A1CF: variants seen among roughly 807,000 people sequenced by gnomAD.
The protein encoded by A1CF is APOBEC-1 stimulating protein.
In A1CF, 48 loss-of-function variants were observed where a neutral mutation model predicts 68.9. That is an observed-to-expected ratio of 0.70 (90% CI 0.55 to 0.89). The LOEUF (loss-of-function observed/expected upper bound fraction) is 0.89. Among genes scored for constraint, A1CF ranks in the 40% least tolerant of loss-of-function variants. The probability of loss-of-function intolerance (pLI) is 0.00; values close to 1 mark genes in which losing one functional copy is unlikely to be tolerated. For missense variants in A1CF, 653 were observed against 718.9 expected (o/e 0.91, Z 1.05); for synonymous variants, 272 against 260.4 (o/e 1.04, Z -0.43).
At chr10:50,879,871 G>A (rs1841692319) in intron 1 of A1CF, among the ~76,000 whole-genome samples, 2 of 152,102 alleles carry the variant, frequency 1.3e-5, no homozygotes, top group African/African-American at 4.8e-5. Context: ...CACAAAATGG[G>A]TCTCCTTTAA....
intron 3 of A1CF, among the ~76,000 whole-genome samples, chr10:50,848,953 G>A (rs1053984391): frequency 3.9e-5 from 6 of 152,142 alleles, no homozygotes; most frequent in African/African-American, 1.4e-4. Flanking sequence ...CATCACTCTT[G>A]ACTGTGTCAC....
At chr10:50,829,260 TA>T (rs1333334862) in intron 6 of A1CF, among the ~76,000 whole-genome samples, 2 of 152,116 alleles carry the variant, frequency 1.3e-5, no homozygotes, top group African/African-American at 4.8e-5. Context: ...ACTCTGCTCC[TA>T]TACCCCTACG....
At chr10:50,832,299 G>C (rs889479457) in intron 6 of A1CF, among the ~76,000 whole-genome samples, 1 of 152,166 alleles carries the variant, frequency 6.6e-6, no homozygotes, top group African/African-American at 2.4e-5. Flanking sequence ...ACAAATCAGG[G>C]CTTTTGTTTT....
At chr10:50,829,657 A>G (rs899077036) in intron 6 of A1CF, among the ~76,000 whole-genome samples, 1 of 152,120 alleles carries the variant, frequency 6.6e-6, no homozygotes, top group Non-Finnish European at 1.5e-5. Flanking sequence ...TTCAGGGGAT[A>G]GTTTTCTTCA....
chr10:50,851,209 A>G (rs1034616893), intron 3 of A1CF, among the ~76,000 whole-genome samples: 2 of 152,190 alleles, frequency 1.3e-5, no homozygotes, highest in African/African-American at 4.8e-5. Flanking sequence ...TTCTGACTTT[A>G]ATTATTTCAT....
At chr10:50,853,251 T>G (rs1840330741) in intron 3 of A1CF, among the ~76,000 whole-genome samples, 1 of 152,186 alleles carries the variant, frequency 6.6e-6, no homozygotes, top group South Asian at 2.1e-4. Flanking sequence ...CATTAATGTC[T>G]TCACTACCCA....
intron 3 of A1CF, among the ~76,000 whole-genome samples, chr10:50,857,997 T>A (rs1840568385): frequency 6.6e-6 from 1 of 152,162 alleles, no homozygotes; most frequent in Non-Finnish European, 1.5e-5. Flanking sequence ...CAGTAAAAAC[T>A]TTCCTTTACC....
chr10:50,814,621 T>G (rs1490162914), intron 9 of A1CF, among the ~76,000 whole-genome samples: 6 of 152,228 alleles, frequency 3.9e-5, no homozygotes. Context: ...TTGAGTTTCA[T>G]GCATAGATTC....
chr10:50,877,606 G>C (rs1841570932), intron 1 of A1CF, among the ~76,000 whole-genome samples: 1 of 152,176 alleles, frequency 6.6e-6, no homozygotes, highest in Non-Finnish European at 1.5e-5. Flanking sequence ...TATTATATTT[G>C]TTCTGATTTT....
chr10:50,855,107 C>T (rs1589025170), intron 3 of A1CF, among the ~76,000 whole-genome samples: 4 of 151,802 alleles, frequency 2.6e-5, no homozygotes, highest in African/African-American at 9.7e-5. Flanking sequence ...TGAATATGCT[C>T]ACATATGAGA....
At chr10:50,834,958 T>G (rs950285616) in intron 6 of A1CF, among the ~76,000 whole-genome samples, 2 of 152,170 alleles carry the variant, frequency 1.3e-5, no homozygotes, top group African/African-American at 2.4e-5. Context: ...TAGCAAAATA[T>G]TACGTCCAGG....
At chr10:50,839,622 C>G (rs1399915758) in intron 5 of A1CF, among the ~76,000 whole-genome samples, 1 of 152,208 alleles carries the variant, frequency 6.6e-6, no homozygotes, top group Non-Finnish European at 1.5e-5. Flanking sequence ...ATGGAGGCAC[C>G]TGTGGGAGGG....
intron 7 of A1CF, 65 bp from the exon 8 acceptor site, chr10:50,820,714 T>G: frequency 7.5e-7 from 1 of 1,329,396 alleles, no homozygotes; most frequent in Non-Finnish European, 1.1e-6. Flanking sequence ...TGATATATTT[T>G]AGCATCTAGC....
chr10:50,820,043 T>G (rs1838572693), intron 8 of A1CF, among the ~76,000 whole-genome samples: 1 of 152,144 alleles, frequency 6.6e-6, no homozygotes, highest in Admixed American at 6.5e-5. Context: ...TATATAAATA[T>G]TATATTGCTT....
At position 50,803,585 on chromosome 10, in the gene A1CF, A is replaced by T. The variant is rs16909156; in HGVS notation, c.*3144T>A. On this transcript the variant is annotated 3_prime_UTR_variant, in exon 13 of 13. Transcript: ENST00000373997. ...AGATATACTAATGCAGTGGGAGAGAAATAAAGCAATTTGAGAAGAGGCAGC... is the reference window on the plus strand; with the variant it reads ...AGATATACTAATGCAGTGGGAGAGATATAAAGCAATTTGAGAAGAGGCAGC... 6.6e-6 allele frequency: 1 copy of T among 152,166 alleles called. No individual in the cohort carries two copies. Among genetic ancestry groups the T allele is most frequent in the African/African-American group, 2.4e-5 (1 of 41,430 alleles). 9.4% of individuals were successfully genotyped at this position (152,166 alleles called of 1,614,324 possible).
At chr10:50,840,994 G>T (rs1037580841) in intron 5 of A1CF, among the ~76,000 whole-genome samples, 3 of 151,934 alleles carry the variant, frequency 2.0e-5, no homozygotes, top group Non-Finnish European at 4.4e-5. Context: ...GTCCACCATG[G>T]ACCCCCTCAT....
intron 9 of A1CF, among the ~76,000 whole-genome samples, chr10:50,814,940 CA>C (rs1283398673): frequency 6.6e-6 from 1 of 152,108 alleles, no homozygotes; most frequent in African/African-American, 2.4e-5. Flanking sequence ...ATTTCATTTG[CA>C]TTACAATTTT....
chr10:50,844,189 G>A (rs1839899256), intron 3 of A1CF, 67 bp from the exon 4 acceptor site: 3 of 1,568,804 alleles, frequency 1.9e-6, no homozygotes, highest in Admixed American at 2.0e-5. Flanking sequence ...ATTTCCCTGA[G>A]TATTTTTCAA....
rs775191923 is a variant in A1CF at position 50,809,988 on chromosome 10, A to G, written c.1515T>C (p.Tyr505=). 43 of 1,613,922 alleles carry G rather than the reference A, an allele frequency of 2.7e-5. No homozygotes were observed. Among genetic ancestry groups the G allele is most frequent in the Non-Finnish European group, 3.3e-5 (39 of 1,179,938 alleles). The change falls in exon 12 of 13, where the codon TAT becomes TAC. Residue 505 remains tyrosine (Y), a synonymous_variant. Coordinates refer to ENST00000373997, the MANE Select transcript of A1CF (RefSeq NM_014576.4). Reference sequence around the variant, plus strand: ...GGGTCTGCAGGGTGTATTCGGCTGCATACGTCTTTGCTTCATCCACAAAGG... The same window carrying G: ...GGGTCTGCAGGGTGTATTCGGCTGCGTACGTCTTTGCTTCATCCACAAAGG... ...LSAFVDEAKT[Y]AAEYTLQTLG... is the part of the protein sequence containing the mutation.
Sources: gnomAD v4.1 joint callset for allele counts (sites outside exome capture counted in the v4.1 genomes callset) on GRCh38, gnomAD v4.1.1 for gene constraint, MANE v1.5 for transcripts, NCBI Gene and HGNC (gene_info 2026-07-23, HGNC 2026-07-21) for gene names.